SLC6A5: variants seen among roughly 807,000 people sequenced by gnomAD.
SLC6A5 encodes solute carrier family 6 member 5, also known as sodium- and chloride-dependent glycine transporter 2.
In SLC6A5, 58 loss-of-function variants were observed where a neutral mutation model predicts 90.5. That is an observed-to-expected ratio of 0.64 (90% CI 0.52 to 0.80). The LOEUF is 0.80. Ranked by LOEUF, SLC6A5 falls within the 30% of genes least tolerant of loss-of-function variation. The pLI is 0.00. For missense variants in SLC6A5, 1,015 were observed against 1,017.6 expected, an observed-to-expected ratio of 1.00 and a Z score of 0.03; for synonymous variants, 427 against 401.4, an observed-to-expected ratio of 1.06 and a Z score of -0.76.
intron 2 of SLC6A5, among the ~76,000 whole-genome samples, chr11:20,601,925 G>C (rs1276859968): frequency 6.6e-6 from 1 of 152,196 alleles, no homozygotes; most frequent in Non-Finnish European, 1.5e-5. Context: ...GGGAATACAG[G>C]TCCAGATCCA....
intron 13 of SLC6A5, among the ~76,000 whole-genome samples, chr11:20,641,529 G>A (rs1210563211): frequency 3.9e-5 from 6 of 152,116 alleles, no homozygotes; most frequent in Non-Finnish European, 7.4e-5. Flanking sequence ...AAAATAAACT[G>A]TACCCCTGAA....
At chr11:20,615,647 G>T (rs918299307) in intron 6 of SLC6A5, among the ~76,000 whole-genome samples, 1 of 152,186 alleles carries the variant, frequency 6.6e-6, no homozygotes. Flanking sequence ...GATTACAGGC[G>T]TGAGCCACTG....
At position 20,630,762 on chromosome 11, in the gene SLC6A5, T is replaced by C. The variant is rs1853094177; in HGVS notation, c.1571T>C (p.Ile524Thr). Reference sequence around the variant, plus strand: ...GCCGGCTTCGTCATCTTCTCCGTTATCGGCTTCATGGCCAATGAACGCAAA... The same window carrying C: ...GCCGGCTTCGTCATCTTCTCCGTTACCGGCTTCATGGCCAATGAACGCAAA... ...IFAGFVIFSV[I>T]GFMANERKVN... Residue 524 changes from isoleucine to threonine, a missense_variant, in exon 10 of 16, where the codon ATC (isoleucine) becomes ACC (threonine). By Grantham distance (89) the Ile-to-Thr change is moderately conservative (BLOSUM62 -1). This residue lies in a region of SLC6A5 where 442 missense variants were observed against 494.3 expected (regional missense o/e 0.89). Transcript: ENST00000525748. 1.9e-6 allele frequency: 3 copies of C among 1,614,106 alleles called. No individual in the cohort carries two copies. Among genetic ancestry groups the C allele is most frequent in the Admixed American group, 1.7e-5 (1 of 60,006 alleles).
At chr11:20,628,188 G>T in intron 9 of SLC6A5, 105 bp downstream of exon 9, 1 of 976,574 alleles carries the variant, frequency 1.0e-6, no homozygotes, top group Admixed American at 1.9e-5. Context: ...TCATCTTAGG[G>T]AGAGCTAAAG....
chr11:20,653,719 G>A (rs923825786), intron 15 of SLC6A5, among the ~76,000 whole-genome samples: 2 of 152,216 alleles, frequency 1.3e-5, no homozygotes, highest in African/African-American at 4.8e-5. Flanking sequence ...AATGAGGTAA[G>A]TGACTGGCCC....
intron 13 of SLC6A5, among the ~76,000 whole-genome samples, chr11:20,645,118 G>C (rs1263223100): frequency 6.6e-6 from 1 of 151,998 alleles, no homozygotes; most frequent in African/African-American, 2.4e-5. Context: ...TGGCCCAGCG[G>C]GTCCATTTTT....
intron 5 of SLC6A5, among the ~76,000 whole-genome samples, chr11:20,608,583 A>G (rs1260772641): frequency 1.3e-5 from 2 of 152,198 alleles, no homozygotes; most frequent in Non-Finnish European, 2.9e-5. Flanking sequence ...ATAACTCTAC[A>G]AATAAAAGGT....
intron 12 of SLC6A5, 45 bp downstream of exon 12, chr11:20,637,348 T>TGGGGGGGGGGGCTGGTGGGG: frequency 8.7e-7 from 1 of 1,143,362 alleles, no homozygotes; most frequent in Admixed American, 1.8e-5. Flanking sequence ...GGCAGGAGGG[T>TGGGGGGGGGGGCTGGTGGGG]GGGGGGCCAA....
intron 3 of SLC6A5, among the ~76,000 whole-genome samples, 183 bp from the exon 4 acceptor site, chr11:20,606,823 GA>G: frequency 6.6e-6 from 1 of 152,272 alleles, no homozygotes; most frequent in Non-Finnish European, 1.5e-5. Flanking sequence ...CTTTTTGGAG[GA>G]AGGCTCTTAA....
At chr11:20,604,108 G>A (rs1852529116) in intron 2 of SLC6A5, among the ~76,000 whole-genome samples, 178 bp from the exon 3 acceptor site, 1 of 151,776 alleles carries the variant, frequency 6.6e-6, no homozygotes, top group Non-Finnish European at 1.5e-5. Flanking sequence ...GAGGGGTGAG[G>A]TCCCTGCTTG....
At chr11:20,613,763 A>G (rs1215338208) in intron 5 of SLC6A5, among the ~76,000 whole-genome samples, 3 of 149,324 alleles carry the variant, frequency 2.0e-5, no homozygotes, top group Non-Finnish European at 4.4e-5. Flanking sequence ...GGGCTCAAGC[A>G]ATCCTCCTGC....
chr11:20,613,018 C>T (rs1469507174), intron 5 of SLC6A5, among the ~76,000 whole-genome samples: 1 of 152,162 alleles, frequency 6.6e-6, no homozygotes, highest in African/African-American at 2.4e-5. Context: ...TAATTTTATG[C>T]CTTCCTCATT....
chr11:20,642,892 G>A (rs947761519), intron 13 of SLC6A5, among the ~76,000 whole-genome samples: 1 of 152,152 alleles, frequency 6.6e-6, no homozygotes, highest in Non-Finnish European at 1.5e-5. Flanking sequence ...GTCCAAACTG[G>A]CCCTGAAACC....
intron 6 of SLC6A5, 72 bp downstream of exon 6, chr11:20,614,892 AG>A (rs1852757746): frequency 1.7e-5 from 24 of 1,449,608 alleles, no homozygotes; most frequent in Admixed American, 1.0e-4. Context: ...TTCAATTTGC[AG>A]ACCAGAGGTG....
intron 14 of SLC6A5, among the ~76,000 whole-genome samples, chr11:20,649,023 C>A (rs1030723148): frequency 6.6e-6 from 1 of 152,102 alleles, no homozygotes; most frequent in African/African-American, 2.4e-5. Context: ...AAGCTTCAAG[C>A]CAATACCTAT....
At chr11:20,630,577 A>G (rs1467814965) in intron 9 of SLC6A5, 114 bp from the exon 10 acceptor site, 3 of 1,211,924 alleles carry the variant, frequency 2.5e-6, no homozygotes, top group African/African-American at 1.5e-5. Context: ...ACGTACACGT[A>G]TATGCCTACA....
At chr11:20,601,073 G>A in intron 1 of SLC6A5, 56 bp from the exon 2 acceptor site, 7 of 1,530,074 alleles carry the variant, frequency 4.6e-6, no homozygotes, top group African/African-American at 1.4e-5. Flanking sequence ...CTAGATACAG[G>A]TATTTTAAAA....
At position 20,657,601 on chromosome 11, in the gene SLC6A5, T is replaced by C. The variant is rs774904066; in HGVS notation, c.*2733T>C. ...TAAAATGAATAACATTGTTAGAAACTGGCACCTGAAAACTTCCCTTCAAAG... is the reference window on the plus strand; with the variant it reads ...TAAAATGAATAACATTGTTAGAAACCGGCACCTGAAAACTTCCCTTCAAAG... On this transcript the variant is annotated 3_prime_UTR_variant, in exon 16 of 16. Coordinates refer to ENST00000525748, the MANE Select transcript of SLC6A5 (RefSeq NM_004211.5). 6.6e-5 allele frequency: 10 copies of C among 152,232 alleles called. No individual in the cohort carries two copies. The highest frequency in any genetic ancestry group is 1.2e-4 in the Non-Finnish European group (8 of 68,044). 9.4% of individuals were successfully genotyped at this position (152,232 alleles called of 1,614,324 possible). A position where few individuals can be genotyped will look rare whatever the true frequency, so the allele number is the denominator to read the frequency against.
intron 13 of SLC6A5, among the ~76,000 whole-genome samples, chr11:20,645,451 G>C (rs1221763944): frequency 6.6e-6 from 1 of 152,026 alleles, no homozygotes; most frequent in Non-Finnish European, 1.5e-5. Context: ...CAGGGCAAAA[G>C]ACCCAGAAAT....
Sources: gnomAD v4.1 joint callset for allele counts (sites outside exome capture counted in the v4.1 genomes callset) on GRCh38, gnomAD v4.1.1 for gene constraint, gnomAD v4.1.1 regional missense constraint, MANE v1.5 for transcripts, NCBI Gene and HGNC (gene_info 2026-07-23, HGNC 2026-07-21) for gene names.